Variants in RTL4 observed in about 807,000 individuals in gnomAD.
RTL4 encodes the protein retrotransposon Gag like 4.
In RTL4, 4 loss-of-function variants were observed where a neutral mutation model predicts 5.3. That is an observed-to-expected ratio of 0.75 (90% CI 0.37 to 1.72). The LOEUF is 1.72. RTL4 is among the 40% of genes most tolerant of loss of function. RTL4 has a pLI of 0.04. For missense variants in RTL4, 260 were observed against 227.1 expected, an observed-to-expected ratio of 1.14 and a Z score of -0.93; for synonymous variants, 98 against 87.3, an observed-to-expected ratio of 1.12 and a Z score of -0.68.
chrX:112,172,852 G>A, the RTL4 span, among the ~76,000 whole-genome samples: 1 of 111,337 alleles, frequency 9.0e-6, no homozygotes, highest in Admixed American at 9.6e-5. Context: ...CATGTCATTT[G>A]CAGGGACATG....
chrX:112,236,927 G>A, the RTL4 span, among the ~76,000 whole-genome samples: 3 of 111,329 alleles, frequency 2.7e-5, no homozygotes, highest in African/African-American at 9.8e-5. Context: ...ATAAGAGAGG[G>A]CCAGAGGGTC....
the RTL4 span, among the ~76,000 whole-genome samples, chrX:112,122,282 A>G: frequency 1.8e-5 from 2 of 111,863 alleles, no homozygotes; most frequent in African/African-American, 6.5e-5. Context: ...ATTTGCAACA[A>G]CATGGATTGA....
At chrX:112,136,871 C>T in the RTL4 span, among the ~76,000 whole-genome samples, 3 of 111,462 alleles carry the variant, frequency 2.7e-5, no homozygotes, top group Non-Finnish European at 3.8e-5. Flanking sequence ...ACATATAGAC[C>T]AATGGAACAA....
At chrX:112,436,247 C>G in the RTL4 span, among the ~76,000 whole-genome samples, 1 of 110,555 alleles carries the variant, frequency 9.0e-6, no homozygotes, top group African/African-American at 3.3e-5. Context: ...AACTACCATA[C>G]TAGAGGTTTC....
chrX:112,439,911 T>C, the RTL4 span, among the ~76,000 whole-genome samples: 2 of 111,739 alleles, frequency 1.8e-5, no homozygotes, highest in Admixed American at 9.5e-5. Context: ...TGCAGAACCA[T>C]GAGCCAAATA....
At chrX:112,329,180 G>C in the RTL4 span, among the ~76,000 whole-genome samples, 1 of 111,082 alleles carries the variant, frequency 9.0e-6, no homozygotes, top group South Asian at 3.8e-4. Flanking sequence ...GAAGGAGATA[G>C]AGACACAAAA....
chrX:112,389,897 C>T, the RTL4 span, among the ~76,000 whole-genome samples: 4 of 103,859 alleles, frequency 3.9e-5, no homozygotes, highest in African/African-American at 1.4e-4. Flanking sequence ...GTGGAGAGTT[C>T]TTTAGAGGTC....
At chrX:112,152,980 T>C in the RTL4 span, among the ~76,000 whole-genome samples, 1 of 111,561 alleles carries the variant, frequency 9.0e-6, no homozygotes, top group Non-Finnish European at 1.9e-5. Context: ...CATTCTAGAG[T>C]GCTTAATTTA....
At chrX:112,265,166 G>T in the RTL4 span, among the ~76,000 whole-genome samples, 1 of 112,903 alleles carries the variant, frequency 8.9e-6, no homozygotes, top group Non-Finnish European at 1.9e-5. Context: ...CCAAGGACTT[G>T]CATTCCAGAG....
chrX:112,405,353 C>A, the RTL4 span, among the ~76,000 whole-genome samples: 1 of 111,822 alleles, frequency 8.9e-6, no homozygotes, highest in Middle Eastern at 4.2e-3. Context: ...TTATACAACC[C>A]CAACACATAA....
chrX:112,388,673 G>A, the RTL4 span, among the ~76,000 whole-genome samples: 1 of 112,135 alleles, frequency 8.9e-6, no homozygotes, highest in Non-Finnish European at 1.9e-5. Context: ...AGATAACTCT[G>A]TGGTTTTTGC....
the RTL4 span, among the ~76,000 whole-genome samples, chrX:112,246,808 G>A: frequency 1.3e-4 from 15 of 111,287 alleles, no homozygotes; most frequent in Non-Finnish European, 1.9e-4. Context: ...CATTGATCAC[G>A]CTGGGAGCTG....
At chrX:112,307,678 C>T in the RTL4 span, among the ~76,000 whole-genome samples, 1 of 111,695 alleles carries the variant, frequency 9.0e-6, no homozygotes, top group Non-Finnish European at 1.9e-5. Context: ...CACATTTTTT[C>T]TTGTTGTTTC....
the RTL4 span, among the ~76,000 whole-genome samples, chrX:112,350,020 T>A: frequency 2.7e-5 from 3 of 110,690 alleles, no homozygotes; most frequent in Non-Finnish European, 5.7e-5. Context: ...TAGCTCTTAT[T>A]ATTTTGAGAT....
chrX:112,298,913 A>G, the RTL4 span, among the ~76,000 whole-genome samples: 2 of 112,828 alleles, frequency 1.8e-5, no homozygotes, highest in Non-Finnish European at 3.7e-5. Context: ...AAATGTACCA[A>G]CTGATGCCCA....
the RTL4 span, among the ~76,000 whole-genome samples, chrX:112,103,951 T>C: frequency 1.0e-5 from 1 of 100,071 alleles, no homozygotes; most frequent in African/African-American, 4.6e-5. Context: ...CACAATATAT[T>C]ATCATTACAG....
chrX:112,262,707 G>A, the RTL4 span, among the ~76,000 whole-genome samples: 16 of 111,116 alleles, frequency 1.4e-4, no homozygotes, highest in Non-Finnish European at 2.3e-4. Context: ...TATACCCAAA[G>A]GATTATAAAT....
the RTL4 span, among the ~76,000 whole-genome samples, chrX:112,168,556 G>A: frequency 9.0e-6 from 1 of 111,668 alleles, no homozygotes; most frequent in East Asian, 2.8e-4. Context: ...AACCAAGATG[G>A]TGATGAAAGT....
chrX:112,385,163 A>C, the RTL4 span, among the ~76,000 whole-genome samples: 93 of 110,848 alleles, frequency 8.4e-4, no homozygotes, highest in African/African-American at 2.8e-3. Flanking sequence ...TTCTCTTTTC[A>C]CTCTCTTAAG....
Sources: gnomAD v4.1 joint callset for allele counts (sites outside exome capture counted in the v4.1 genomes callset) on GRCh38, gnomAD v4.1.1 for gene constraint, MANE v1.5 for transcripts, NCBI Gene and HGNC (gene_info 2026-07-23, HGNC 2026-07-21) for gene names.